Variants in AFG2B observed in about 807,000 individuals in gnomAD.
AFG2B encodes the protein AAA ATPase AFG2B.
chr15:45,403,133 G>T, the AFG2B span: 5 of 1,475,416 alleles, frequency 3.4e-6, no homozygotes, highest in South Asian at 4.0e-5. Flanking sequence ...GCGGTGCCTC[G>T]CGGGGTGCTC....
chr15:45,415,589 AT>A, the AFG2B span: 1 of 1,613,474 alleles, frequency 6.2e-7, no homozygotes. Flanking sequence ...AACAAAAGAT[AT>A]TTCGACAAGC....
At chr15:45,413,260 T>A in the AFG2B span, among the ~76,000 whole-genome samples, 2 of 152,174 alleles carry the variant, frequency 1.3e-5, no homozygotes, top group Non-Finnish European at 2.9e-5. Flanking sequence ...TTTATGATGA[T>A]CTTGATGTCC....
the AFG2B span, chr15:45,415,747 TAG>T: frequency 6.2e-7 from 1 of 1,613,762 alleles, no homozygotes; most frequent in African/African-American, 1.3e-5. Flanking sequence ...CTTAAGACAA[TAG>T]AGAGAAGAGG....
chr15:45,402,757 G>A, the AFG2B span: 2 of 1,576,690 alleles, frequency 1.3e-6, no homozygotes, highest in Non-Finnish European at 1.7e-6. Flanking sequence ...CCTGCGGCGC[G>A]TCGCCGTGTG....
the AFG2B span, chr15:45,416,838 G>A: frequency 6.5e-6 from 1 of 152,934 alleles, no homozygotes; most frequent in South Asian, 2.1e-4. Context: ...ATAAAAGGTC[G>A]AGTAAATCTT....
chr15:45,405,654 TA>T, the AFG2B span: 44 of 735,254 alleles, frequency 6.0e-5, no homozygotes, highest in Non-Finnish European at 8.8e-5. Flanking sequence ...CTCAACTCTA[TA>T]TAAATAGTAT....
chr15:45,404,280 G>T, the AFG2B span, among the ~76,000 whole-genome samples: 2 of 152,076 alleles, frequency 1.3e-5, no homozygotes. Flanking sequence ...GTGTCCTTAA[G>T]GGCAGGGACC....
the AFG2B span, chr15:45,415,800 A>G: frequency 3.1e-5 from 50 of 1,609,514 alleles, no homozygotes; most frequent in Admixed American, 5.0e-5. Flanking sequence ...GGAGCTGAAA[A>G]AATGAAGAGG....
At chr15:45,406,748 G>A in the AFG2B span, among the ~76,000 whole-genome samples, 1 of 152,284 alleles carries the variant, frequency 6.6e-6, no homozygotes, top group Non-Finnish European at 1.5e-5. Context: ...GCAAAAGAAT[G>A]ATTTATTATC....
At chr15:45,420,755 A>AAGC in the AFG2B span, among the ~76,000 whole-genome samples, 6 of 152,098 alleles carry the variant, frequency 3.9e-5, no homozygotes, top group Admixed American at 3.9e-4. Flanking sequence ...GCACTTTGGG[A>AAGC]GGCTGAAGCA....
chr15:45,414,796 C>A, the AFG2B span: 1 of 1,598,360 alleles, frequency 6.3e-7, no homozygotes, highest in Non-Finnish European at 8.6e-7. Flanking sequence ...TTTATTTCCC[C>A]ATATGTTTAA....
chr15:45,415,209 A>C, the AFG2B span, among the ~76,000 whole-genome samples: 2 of 152,158 alleles, frequency 1.3e-5, no homozygotes. Context: ...AAAAATTATA[A>C]ATAGTGGCCA....
At chr15:45,413,344 A>G in the AFG2B span, among the ~76,000 whole-genome samples, 5 of 152,146 alleles carry the variant, frequency 3.3e-5, no homozygotes, top group Non-Finnish European at 7.3e-5. Flanking sequence ...CATCAGAACT[A>G]CTTCACTGCC....
At chr15:45,417,294 T>G in the AFG2B span, 2 of 1,614,032 alleles carry the variant, frequency 1.2e-6, no homozygotes, top group African/African-American at 2.7e-5. Context: ...TTAACCGAAG[T>G]GTCATGATTA....
At chr15:45,408,980 T>A in the AFG2B span, among the ~76,000 whole-genome samples, 7 of 152,256 alleles carry the variant, frequency 4.6e-5, no homozygotes, top group Admixed American at 2.0e-4. Flanking sequence ...GCGATTTTTT[T>A]AATTCCAATA....
At chr15:45,402,943 C>T in the AFG2B span, 1 of 1,598,078 alleles carries the variant, frequency 6.3e-7, no homozygotes, top group Non-Finnish European at 8.5e-7. Flanking sequence ...GACGCCCAGT[C>T]CCGATCCCGC....
chr15:45,414,538 T>C, the AFG2B span: 7 of 1,593,514 alleles, frequency 4.4e-6, no homozygotes, highest in African/African-American at 5.4e-5. Context: ...ATTATTATAC[T>C]AAAACAACTC....
chr15:45,420,515 C>T, the AFG2B span, among the ~76,000 whole-genome samples: 6 of 152,134 alleles, frequency 3.9e-5, no homozygotes, highest in African/African-American at 7.2e-5. Flanking sequence ...CCTTTTCTTT[C>T]TTCTCATTTA....
At chr15:45,402,671 C>A in the AFG2B span, 2 of 1,577,934 alleles carry the variant, frequency 1.3e-6, no homozygotes, top group East Asian at 2.3e-5. Flanking sequence ...TGCGCGAGCC[C>A]CGGGGCGGCG....
Sources: allele counts gnomAD v4.1 joint callset (sites outside exome capture counted in the v4.1 genomes callset), GRCh38; gene constraint gnomAD v4.1.1; transcripts MANE v1.5; gene names NCBI Gene and HGNC (gene_info 2026-07-23, HGNC 2026-07-21).